The following RPS6KA2 variants were observed in gnomAD, a reference collection of about 807,000 sequenced individuals.
RPS6KA2 encodes ribosomal protein S6 kinase A2.
Under a neutral mutation model 91.8 loss-of-function variants are expected in RPS6KA2, and 42 were observed. The ratio of observed to expected loss-of-function variants is 0.46; its 90% CI spans 0.36 to 0.59. RPS6KA2 has a LOEUF of 0.59. Ranked by LOEUF, RPS6KA2 falls within the 20% of genes least tolerant of loss-of-function variation. RPS6KA2 has a pLI of 0.00. For synonymous variants in RPS6KA2, 414 were observed against 393.6 expected (o/e 1.05, Z -0.61); for missense variants, 798 against 978.5 (o/e 0.82, Z 2.46).
intron 2 of RPS6KA2, among the ~76,000 whole-genome samples, chr6:166,769,813 G>T (rs144662763): frequency 8.5e-4 from 129 of 152,326 alleles, no homozygotes; most frequent in African/African-American, 3.0e-3. Context: ...CAGCGACGGG[G>T]CTGAGAAAAG....
intron 1 of RPS6KA2, among the ~76,000 whole-genome samples, chr6:166,618,470 C>T (rs1458363397): frequency 1.3e-5 from 2 of 152,046 alleles, no homozygotes; most frequent in Admixed American, 1.3e-4. Flanking sequence ...GAGGGGCAGA[C>T]AGTTCAGGGA....
chr6:166,764,156 G>A (rs531071061), intron 2 of RPS6KA2, among the ~76,000 whole-genome samples: 2 of 152,344 alleles, frequency 1.3e-5, no homozygotes, highest in East Asian at 3.9e-4. Context: ...CCACTGGGGA[G>A]GGCGTGAGTG....
At chr6:166,651,365 T>C (rs1787849611) in intron 2 of RPS6KA2, among the ~76,000 whole-genome samples, 1 of 152,214 alleles carries the variant, frequency 6.6e-6, no homozygotes, top group South Asian at 2.1e-4. Context: ...CACAGGATTA[T>C]GTAAGAGTAT....
chr6:166,688,407 G>T (rs573836868), intron 2 of RPS6KA2, among the ~76,000 whole-genome samples: 1 of 152,188 alleles, frequency 6.6e-6, no homozygotes, highest in Non-Finnish European at 1.5e-5. Flanking sequence ...CCCCGGCCTT[G>T]CCAGGGGCAC....
In RPS6KA2 at chr6:166,500,540, A is replaced by G. The variant is rs1781990149; in HGVS notation, c.604+347T>C. Among the ~76,000 whole-genome samples, 1 of 152,166 alleles carries G rather than the reference A, an allele frequency of 6.6e-6. No individual in the cohort carries two copies. The highest frequency in any genetic ancestry group is 1.9e-4 in the East Asian group (1 of 5,198). ...GGCACTGGGCATCTGCAAGGCCCAC[A>G]TTGCAGGCTACACTCCAGCAAGACT... On this transcript the variant is annotated intron_variant, in intron 7 of 20. Transcript: ENST00000265678. The surrounding 1 kb of genome is among the most constrained non-coding windows in gnomAD (Gnocchi z 4.3).
At chr6:166,469,377 T>C (rs1780669453) in intron 11 of RPS6KA2, among the ~76,000 whole-genome samples, 2 of 150,028 alleles carry the variant, frequency 1.3e-5, no homozygotes, top group Non-Finnish European at 3.0e-5. Context: ...TCAGCTTGAC[T>C]AACGATGGAA....
At chr6:166,461,088 C>T (rs892645123) in intron 11 of RPS6KA2, among the ~76,000 whole-genome samples, 13 of 152,038 alleles carry the variant, frequency 8.6e-5, no homozygotes, top group African/African-American at 1.9e-4. Flanking sequence ...CGAGCTCCCC[C>T]GGGGGCTTAT....
In RPS6KA2 at chr6:166,533,389, C is replaced by T. The variant is rs1045593861; in HGVS notation, c.217-2076G>A. 4.6e-5 allele frequency among the ~76,000 whole-genome samples: 7 copies of T among 152,172 alleles called. No homozygotes were observed. Among genetic ancestry groups the T allele is most frequent in the South Asian group, 2.1e-4 (1 of 4,826 alleles). On this transcript the variant is annotated intron_variant, in intron 2 of 20. Coordinates refer to ENST00000265678, the MANE Select transcript of RPS6KA2 (RefSeq NM_021135.6). The surrounding 1 kb of genome is among the most constrained non-coding windows in gnomAD (Gnocchi z 4.0). ...CAAGGCTGCGTGAGCGTCCCGGTGC[C>T]GGAGAGGCCGCACTGGCAGAGAGGA...
chr6:166,838,870 A>G (rs1425978152), intron 2 of RPS6KA2, among the ~76,000 whole-genome samples: 2 of 137,760 alleles, frequency 1.5e-5, no homozygotes, highest in African/African-American at 7.2e-5. Context: ...ATGTGAGTTT[A>G]ATCTCACCAG....
intron 10 of RPS6KA2, among the ~76,000 whole-genome samples, chr6:166,470,581 G>T (rs1562517096): frequency 6.6e-6 from 1 of 152,216 alleles, no homozygotes; most frequent in Non-Finnish European, 1.5e-5. Flanking sequence ...AGTAGGCGGA[G>T]CGCTGGGGGC....
intron 8 of RPS6KA2, among the ~76,000 whole-genome samples, chr6:166,491,541 C>A (rs1431302418): frequency 6.6e-6 from 1 of 152,218 alleles, no homozygotes; most frequent in Non-Finnish European, 1.5e-5. Context: ...GACCCTGAAT[C>A]TAAGTGGAAT....
At position 166,508,172 on chromosome 6, in the gene RPS6KA2, C is replaced by G; in HGVS notation, c.459+31G>C. On this transcript the variant is annotated intron_variant, in intron 5 of 20. Transcript: ENST00000265678. The surrounding 1 kb of genome is among the most constrained non-coding windows in gnomAD (Gnocchi z 4.3). Reference sequence around the variant, plus strand: ...CGAGTCCCAGACAGAAGCTCCTGCCCGCCCTCCTGTGTGATGTGGCGGCTG... The same window carrying G: ...CGAGTCCCAGACAGAAGCTCCTGCCGGCCCTCCTGTGTGATGTGGCGGCTG... 2.7e-6 allele frequency: 4 copies of G among 1,483,982 alleles called. No homozygotes were observed. Among genetic ancestry groups the G allele is most frequent in the Non-Finnish European group, 2.8e-6 (3 of 1,063,972 alleles). The allele number at this position is 1,483,982 out of a possible 1,614,324, so 91.9% of individuals were successfully genotyped here. A position where few individuals can be genotyped will look rare whatever the true frequency, so the allele number is the denominator to read the frequency against.
intron 16 of RPS6KA2, among the ~76,000 whole-genome samples, chr6:166,427,965 G>A (rs1451554513): frequency 4.1e-5 from 6 of 147,388 alleles, no homozygotes; most frequent in Admixed American, 3.9e-4. Context: ...AAGTTCATAT[G>A]GAACCAAAAA....
At chr6:166,416,978 A>G (rs1778553702) in intron 19 of RPS6KA2, among the ~76,000 whole-genome samples, 1 of 152,218 alleles carries the variant, frequency 6.6e-6, no homozygotes, top group Non-Finnish European at 1.5e-5. Context: ...TTGGAATCAG[A>G]GCCCCTGACT....
chr6:166,620,731 T>G (rs547809285), intron 1 of RPS6KA2, among the ~76,000 whole-genome samples: 2 of 152,366 alleles, frequency 1.3e-5, no homozygotes, highest in South Asian at 4.1e-4. Flanking sequence ...AAGTGCAAGC[T>G]GTCCTGACAA....
In RPS6KA2 at chr6:166,575,982, G is replaced by C. The variant is rs567066295; in HGVS notation, c.100-37198C>G. Among the ~76,000 whole-genome samples, 41 of 152,326 alleles carry C rather than the reference G, an allele frequency of 2.7e-4. No individual in the cohort carries two copies. In the South Asian group the frequency reaches 6.6e-3, roughly 25 times the overall value. ...CATAATTCCCATGTGTTGTAGGAGGGACCTGGTGGGAGATAATTTGAATCA... is the reference window on the plus strand; with the variant it reads ...CATAATTCCCATGTGTTGTAGGAGGCACCTGGTGGGAGATAATTTGAATCA... On this transcript the variant is annotated intron_variant, in intron 1 of 20. Transcript: ENST00000265678.
Position 166,848,732 on chromosome 6 carries a change from C to T in RPS6KA2, c.123+9468G>A, listed in dbSNP as rs78248704. On this transcript the variant is annotated intron_variant, in intron 2 of 21. Coordinates refer to the RPS6KA2 transcript ENST00000503859. The stretch of plus-strand genomic sequence containing the variant: ...ACACGAAGGCATAAGAAGGATTCAA[C>T]GGACTTTGGGAACTCACGGGAAGGG... Among the ~76,000 whole-genome samples the T allele has an allele frequency of 7.9e-5, 12 of 151,306 alleles. No homozygotes were observed. The East Asian group carries it at 1.6e-3, about 20-fold the overall frequency.
At chr6:166,566,330 G>A (rs1371689087) in intron 1 of RPS6KA2, among the ~76,000 whole-genome samples, 5 of 152,174 alleles carry the variant, frequency 3.3e-5, no homozygotes, top group Non-Finnish European at 7.4e-5. Flanking sequence ...TCTCCAAAGG[G>A]CCCCTTCACA....
At chr6:166,761,806 G>A (rs189713957) in intron 2 of RPS6KA2, among the ~76,000 whole-genome samples, 4 of 152,302 alleles carry the variant, frequency 2.6e-5, no homozygotes, top group Admixed American at 2.0e-4. Context: ...GGGACCGCAC[G>A]GCTGTGTCCT....
Sources: gnomAD v4.1 joint callset for allele counts (sites outside exome capture counted in the v4.1 genomes callset) on GRCh38, gnomAD v4.1.1 for gene constraint, Gnocchi (gnomAD v3.1) non-coding constraint, MANE v1.5 for transcripts, NCBI Gene and HGNC (gene_info 2026-07-23, HGNC 2026-07-21) for gene names.